CCDC92B: variants seen among roughly 807,000 people sequenced by gnomAD.
CCDC92B encodes the protein coiled-coil domain containing 92B.
In CCDC92B, 2 loss-of-function variants were observed where a neutral mutation model predicts 5.6. The observed-to-expected ratio is 0.36, with a 90% CI of 0.15 to 1.12. CCDC92B has a LOEUF of 1.12. Ranked by LOEUF, CCDC92B falls within the 50% of genes most tolerant of loss-of-function variation. CCDC92B has a pLI of 0.40. For missense variants in CCDC92B, 271 were observed against 262.2 expected, an observed-to-expected ratio of 1.03 and a Z score of -0.23; for synonymous variants, 115 against 122.3, an observed-to-expected ratio of 0.94 and a Z score of 0.39.
In CCDC92B at chr17:2,724,552, G is replaced by A. The variant is rs2070701149; in HGVS notation, c.627C>T (p.Asp209=). Residue 209 remains aspartate, a synonymous_variant, in exon 4 of 4, where the codon GAC becomes GAT. Coordinates refer to ENST00000614400, the MANE Select transcript of CCDC92B (RefSeq NM_001355573.2). The surrounding 1 kb of genome is among the most constrained non-coding windows in gnomAD (Gnocchi z 5.0). The stretch of plus-strand genomic sequence containing the variant: ...TGCGTGCATAGAGGAAGAGCGCGGG[G>A]TCGGGCATGGGGTCGGCGTCGTCGA... The part of the protein sequence containing the change: ...GALDDADPMP[D]PALFLYARRP... The A allele has an allele frequency of 1.0e-6, 1 of 982,496 alleles. No homozygotes were observed. Among genetic ancestry groups the A allele is most frequent in the Non-Finnish European group, 1.2e-6 (1 of 828,792 alleles). 60.9% of individuals were successfully genotyped at this position (982,496 alleles called of 1,614,324 possible).
intron 1 of CCDC92B, among the ~76,000 whole-genome samples, chr17:2,739,908 C>T (rs912786940): frequency 7.2e-5 from 11 of 151,970 alleles, no homozygotes; most frequent in Non-Finnish European, 1.5e-5. Flanking sequence ...TTGGGGAACA[C>T]GGTAACGAAC....
At chr17:2,737,109 C>G (rs1360640300) in intron 1 of CCDC92B, among the ~76,000 whole-genome samples, 2 of 151,862 alleles carry the variant, frequency 1.3e-5, no homozygotes, top group Admixed American at 1.3e-4. Flanking sequence ...TGACTCTGTT[C>G]TGTGATAATC....
chr17:2,743,505 C>G (rs1018141124), intron 1 of CCDC92B, among the ~76,000 whole-genome samples: 2 of 152,226 alleles, frequency 1.3e-5, no homozygotes, highest in African/African-American at 4.8e-5. Flanking sequence ...GTGTGGCTTT[C>G]CATCACATTT....
intron 1 of CCDC92B, chr17:2,748,612 A>G: frequency 1.0e-6 from 1 of 984,816 alleles, no homozygotes; most frequent in Non-Finnish European, 1.2e-6. Context: ...GTCTCTGGGA[A>G]TCTCTTGCAA....
At position 2,724,100 on chromosome 17, in the gene CCDC92B, C is replaced by T; in HGVS notation, c.*311G>A. ...GGCTTTCCCGGGGAAGGGCGTGGCC[C>T]CCGCCCCTCCTGTCTCACAGGCAGG... is the stretch of plus-strand genomic sequence containing the variant. On this transcript the variant is annotated 3_prime_UTR_variant, in exon 4 of 4. Coordinates refer to ENST00000614400, the MANE Select transcript of CCDC92B (RefSeq NM_001355573.2). The surrounding 1 kb of genome is among the most constrained non-coding windows in gnomAD (Gnocchi z 5.0). 1 of 985,328 alleles carries T rather than the reference C, an allele frequency of 1.0e-6. No homozygotes were observed. The highest frequency in any genetic ancestry group is 1.2e-6 in the Non-Finnish European group (1 of 829,876). The allele number at this position is 985,328 out of a possible 1,614,324, so 61.0% of individuals were successfully genotyped here. A position where few individuals can be genotyped will look rare whatever the true frequency, so the allele number is the denominator to read the frequency against.
At chr17:2,743,263 C>T (rs577313563) in intron 1 of CCDC92B, among the ~76,000 whole-genome samples, 49 of 152,276 alleles carry the variant, frequency 3.2e-4, no homozygotes, top group Non-Finnish European at 5.9e-4. Context: ...AACCCTGTCT[C>T]TAAGAAAAAT....
In CCDC92B at chr17:2,724,590, C is replaced by T; in HGVS notation, c.589G>A (p.Gly197Arg). 1 of 982,046 alleles carries T rather than the reference C, an allele frequency of 1.0e-6. No individual in the cohort carries two copies. Among genetic ancestry groups the T allele is most frequent in the Non-Finnish European group, 1.2e-6 (1 of 828,484 alleles). 60.8% of individuals were successfully genotyped at this position (982,046 alleles called of 1,614,324 possible). A position where few individuals can be genotyped will look rare whatever the true frequency, so the allele number is the denominator to read the frequency against. The stretch of plus-strand genomic sequence containing the variant: ...TCGGCGTCGTCGAGGGCGCCGGCCC[C>T]GCGGTCCCAGGCGGCCCAGTCCCGG... ...PGRDWAAWDR[G>R]AGALDDADPM... Residue 197 changes from glycine (G) to arginine (R), a missense_variant, in exon 4 of 4, where the codon GGG becomes AGG. Physicochemically the swap from Gly to Arg is moderately radical, Grantham distance 125. Coordinates refer to ENST00000614400, the MANE Select transcript of CCDC92B (RefSeq NM_001355573.2). This position sits in a 1 kb window ranked among gnomAD's most constrained non-coding sequence, Gnocchi z 5.0.
chr17:2,730,947 C>G (rs1247258003), intron 2 of CCDC92B, among the ~76,000 whole-genome samples: 1 of 152,196 alleles, frequency 6.6e-6, no homozygotes, highest in Non-Finnish European at 1.5e-5. Flanking sequence ...AACTGCCTGG[C>G]GGCACTGGAG....
chr17:2,747,694 T>A (rs2071003322), intron 1 of CCDC92B, among the ~76,000 whole-genome samples: 1 of 152,104 alleles, frequency 6.6e-6, no homozygotes, highest in Non-Finnish European at 1.5e-5. Flanking sequence ...ACCACTGCAC[T>A]CCAACCTGGG....
At chr17:2,747,358 GTTAGAC>G (rs1022598100) in intron 1 of CCDC92B, among the ~76,000 whole-genome samples, 8 of 152,174 alleles carry the variant, frequency 5.3e-5, no homozygotes, top group African/African-American at 1.9e-4. Flanking sequence ...TAAGGAGAAT[GTTAGAC>G]TTATTTTTAT....
intron 3 of CCDC92B, 37 bp from the exon 4 acceptor site, chr17:2,725,037 C>G: frequency 4.1e-6 from 4 of 984,976 alleles, no homozygotes; most frequent in Non-Finnish European, 4.8e-6. Flanking sequence ...ACGGTCTCCC[C>G]CTGGCTTGGA....
In CCDC92B at chr17:2,724,813, G is replaced by T. The variant is rs1250101668; in HGVS notation, c.366C>A (p.Arg122=). 1.0e-6 allele frequency: 1 copy of T among 984,766 alleles called. No homozygotes were observed. The highest frequency in any genetic ancestry group is 1.2e-6 in the Non-Finnish European group (1 of 829,746). The allele number at this position is 984,766 out of a possible 1,614,324, so 61.0% of individuals were successfully genotyped here. The change falls in exon 4 of 4, where the codon CGC becomes CGA. Residue 122 remains arginine, a synonymous_variant. Coordinates refer to ENST00000614400, the MANE Select transcript of CCDC92B (RefSeq NM_001355573.2). This position sits in a 1 kb window ranked among gnomAD's most constrained non-coding sequence, Gnocchi z 5.0. The part of the protein sequence containing the change: ...FLEELRRRSH[R]ATVLGTELQK... ...GCAGCTCGGTGCCCAGCACGGTGGC[G>T]CGGTGGCTGCGGCGGCGCAGCTCCT... is the stretch of plus-strand genomic sequence containing the variant.
intron 3 of CCDC92B, among the ~76,000 whole-genome samples, chr17:2,729,588 G>C (rs971150865): frequency 4.0e-5 from 6 of 151,788 alleles, no homozygotes; most frequent in African/African-American, 1.4e-4. Flanking sequence ...TCCTAGTTCT[G>C]AGATCTTATA....
At chr17:2,732,443 G>A (rs1255807004) in intron 2 of CCDC92B, among the ~76,000 whole-genome samples, 6 of 152,162 alleles carry the variant, frequency 3.9e-5, no homozygotes, top group Non-Finnish European at 8.8e-5. Flanking sequence ...GTGGCTGGGC[G>A]TGGTAGCTCA....
chr17:2,745,185 G>A (rs1238489120), intron 1 of CCDC92B, among the ~76,000 whole-genome samples: 2 of 151,902 alleles, frequency 1.3e-5, no homozygotes, highest in Non-Finnish European at 2.9e-5. Context: ...GTGTGCTTGC[G>A]TATCTGTATG....
intron 1 of CCDC92B, 53 bp downstream of exon 1, chr17:2,749,358 C>G (rs1404424409): frequency 6.6e-6 from 1 of 151,838 alleles, no homozygotes; most frequent in Non-Finnish European, 1.5e-5. Flanking sequence ...CTGCTCCCCC[C>G]TGGGGCCGCT....
intron 1 of CCDC92B, among the ~76,000 whole-genome samples, chr17:2,745,090 A>AAT (rs72203225): frequency 7.0e-5 from 10 of 143,062 alleles, no homozygotes; most frequent in African/African-American, 2.1e-4. Flanking sequence ...AAAAAAAAAA[A>AAT]GATAAAATAA....
chr17:2,726,821 G>T (rs938731388), intron 3 of CCDC92B, among the ~76,000 whole-genome samples: 1 of 151,170 alleles, frequency 6.6e-6, no homozygotes, highest in Non-Finnish European at 1.5e-5. Flanking sequence ...CACCATATTG[G>T]CCTGGCTGGT....
chr17:2,736,693 C>T (rs183288506), intron 1 of CCDC92B, among the ~76,000 whole-genome samples: 5 of 151,944 alleles, frequency 3.3e-5, no homozygotes, highest in African/African-American at 9.7e-5. Context: ...GCCTGGCCGA[C>T]GTGGTGAAAC....
Sources: allele counts gnomAD v4.1 joint callset (sites outside exome capture counted in the v4.1 genomes callset), GRCh38; gene constraint gnomAD v4.1.1; non-coding constraint Gnocchi (gnomAD v3.1); transcripts MANE v1.5; gene names NCBI Gene and HGNC (gene_info 2026-07-23, HGNC 2026-07-21).